Variants in TMEM25 observed in about 807,000 individuals in gnomAD.
TMEM25 encodes 0610039J01Rik.
TMEM25 carries 36 observed loss-of-function variants against 37.0 expected under a neutral mutation model. The ratio of observed to expected loss-of-function variants is 0.97; its 90% confidence interval spans 0.75 to 1.28. The LOEUF is 1.28. Ranked by LOEUF, TMEM25 falls within the 50% of genes most tolerant of loss-of-function variation. TMEM25 has a pLI of 0.00. For synonymous variants in TMEM25, 197 were observed against 203.7 expected, an observed-to-expected ratio of 0.97 and a Z score of 0.28; for missense variants, 444 against 477.9, an observed-to-expected ratio of 0.93 and a Z score of 0.66.
At chr11:118,543,075 A>G (rs1472117958) in intron 8 of TMEM25, among the ~76,000 whole-genome samples, 1 of 151,422 alleles carries the variant, frequency 6.6e-6, no homozygotes, top group Non-Finnish European at 1.5e-5. Context: ...CTCCATCTCT[A>G]CTGAAAATAC....
chr11:118,546,479 T>G, exon 9 of TMEM25: 1 of 246,266 alleles, frequency 4.1e-6, no homozygotes. Flanking sequence ...CATAGAGTAA[T>G]ACCCTGTAAA....
At chr11:118,545,664 A>T (rs1951663192) in intron 8 of TMEM25, 2 of 1,180,054 alleles carry the variant, frequency 1.7e-6, no homozygotes, top group Non-Finnish European at 2.5e-6. Context: ...AGTGCTGCCA[A>T]AGAGCACAAC....
chr11:118,531,549 G>T (rs1951267636), intron 1 of TMEM25: 1 of 566,932 alleles, frequency 1.8e-6, no homozygotes, highest in Non-Finnish European at 3.1e-6. Context: ...TTGTATTGTA[G>T]CCTGGAGTCA....
At chr11:118,536,347 C>T (rs1434240346), downstream of TMEM25, among the ~76,000 whole-genome samples, 1 of 152,032 alleles carries the variant, frequency 6.6e-6, no homozygotes, top group African/African-American at 2.4e-5. Flanking sequence ...GCATGCACCA[C>T]CATGCCCAGC....
chr11:118,540,020 CAAAAA>C (rs200560621), downstream of TMEM25, among the ~76,000 whole-genome samples: 1 of 80,376 alleles, frequency 1.2e-5, no homozygotes, highest in Non-Finnish European at 2.8e-5. Flanking sequence ...GACTCCGTCT[CAAAAA>C]AAAAAAAAAA....
downstream of TMEM25, among the ~76,000 whole-genome samples, chr11:118,539,794 G>T (rs985343966): frequency 6.6e-6 from 1 of 151,872 alleles, no homozygotes; most frequent in African/African-American, 2.4e-5. Context: ...GCAGAGGTGG[G>T]CAGATCACTT....
In TMEM25 at chr11:118,535,633, A is replaced by G. The variant is rs1951494316; in HGVS notation, c.*1053A>G. The G allele has an allele frequency of 6.6e-7, 1 of 1,525,376 alleles. No homozygotes were observed. The highest frequency in any genetic ancestry group is 8.8e-7 in the Non-Finnish European group (1 of 1,138,970). 94.5% of individuals were successfully genotyped at this position (1,525,376 alleles called of 1,614,324 possible). A position where few individuals can be genotyped will look rare whatever the true frequency, so the allele number is the denominator to read the frequency against. On this transcript the variant is annotated 3_prime_UTR_variant, in exon 9 of 9. Transcript: ENST00000313236. ...TTCAACAGTGTGGAAGCTTTAGGGG[A>G]ACATGGAGAAAGAAGGAGACCACAT... is the stretch of plus-strand genomic sequence containing the variant.
At chr11:118,535,902 G>C (rs1591347176), downstream of TMEM25, 1 of 975,632 alleles carries the variant, frequency 1.0e-6, no homozygotes, top group Non-Finnish European at 1.2e-6. Context: ...GTTTGAGATG[G>C]AGTCTCACTC....
intron 8 of TMEM25, among the ~76,000 whole-genome samples, chr11:118,542,144 T>C (rs551021315): frequency 6.6e-6 from 1 of 152,180 alleles, no homozygotes; most frequent in Non-Finnish European, 1.5e-5. Context: ...GGCCGGGAAG[T>C]ACACGGTTGA....
At position 118,531,833 on chromosome 11, in the gene TMEM25, G is replaced by A. The variant is rs148214991; in HGVS notation, c.32G>A (p.Arg11Gln). The A allele has an allele frequency of 1.6e-5, 25 of 1,551,246 alleles. No individual in the cohort carries two copies. Among genetic ancestry groups the A allele is most frequent in the African/African-American group, 8.2e-5 (6 of 73,028 alleles). The change falls in exon 2 of 9, where the codon CGG (arginine) becomes CAG (glutamine). Residue 11 changes from arginine to glutamine, a missense_variant. Arg to Gln is a conservative substitution (Grantham distance 43, BLOSUM62 1). Coordinates refer to ENST00000313236, the MANE Select transcript of TMEM25 (RefSeq NM_032780.4). ...CTGCCTCCAGGCCCAGCCGCCCTCC[G>A]GCACACACTGCTGCTCCTGCCAGCC... is the stretch of plus-strand genomic sequence containing the variant. MALPPGPAALRHTLLLLPALL... is the reference protein window; with the variant it reads MALPPGPAALQHTLLLLPALL...
chr11:118,531,678 G>A (rs1351585645), intron 1 of TMEM25, 97 bp from the exon 2 acceptor site: 2 of 994,846 alleles, frequency 2.0e-6, no homozygotes, highest in South Asian at 1.7e-5. Context: ...TTGCGTTTCC[G>A]TACATGGTTC....
intron 4 of TMEM25, 96 bp from the exon 5 acceptor site, chr11:118,533,324 C>T: frequency 3.2e-6 from 5 of 1,581,652 alleles, no homozygotes; most frequent in Non-Finnish European, 4.3e-6. Flanking sequence ...TGAACTGTCC[C>T]CAGCCACCCT....
intron 8 of TMEM25, among the ~76,000 whole-genome samples, chr11:118,543,806 C>T (rs1318395068): frequency 2.1e-5 from 3 of 146,086 alleles, no homozygotes; most frequent in African/African-American, 7.7e-5. Flanking sequence ...TATTAAACAC[C>T]CCCTTTTTTT....
At position 118,532,305 on chromosome 11, in the gene TMEM25, A is replaced by C; in HGVS notation, c.226A>C (p.Thr76Pro). ...YLDGQLQEAS[T>P]SRLLSVGGEA... is the part of the protein sequence containing the mutation. The stretch of plus-strand genomic sequence containing the variant: ...GGATGGACAGCTGCAGGAGGCCAGC[A>C]CCTCAAGACTGCTGAGCGTGGGAGG... Residue 76 changes from threonine (T) to proline (P), a missense_variant, in exon 3 of 9, where the codon ACC (threonine) becomes CCC (proline). Physicochemically the swap from Thr to Pro is conservative, Grantham distance 38. Coordinates refer to ENST00000313236, the MANE Select transcript of TMEM25 (RefSeq NM_032780.4). 1 of 1,614,130 alleles carries C rather than the reference A, an allele frequency of 6.2e-7. No individual in the cohort carries two copies. Among genetic ancestry groups the C allele is most frequent in the Middle Eastern group, 1.6e-4 (1 of 6,062 alleles).
rs538187192 is a variant in TMEM25, at chr11:118,545,911, ACTCT to A, written c.1028-199_1028-196del. ...GGATGGTGTCAGTGGTCCCAGAACC[ACTCT>A]CTCTCTCTGAAGCAAAAGAGCTTCT... On this transcript the variant is annotated intron_variant, in intron 8 of 8. Coordinates refer to the TMEM25 transcript ENST00000354284. 3.0e-4 allele frequency: 427 copies of A among 1,441,154 alleles called. 1 individual carries two copies. The highest frequency in any genetic ancestry group is 3.9e-4 in the Non-Finnish European group (399 of 1,023,096). The allele number at this position is 1,441,154 out of a possible 1,614,324, so 89.3% of individuals were successfully genotyped here. A position where few individuals can be genotyped will look rare whatever the true frequency, so the allele number is the denominator to read the frequency against.
At chr11:118,546,339 A>C in exon 9 of TMEM25, 1 of 582,162 alleles carries the variant, frequency 1.7e-6, no homozygotes, top group Non-Finnish European at 3.1e-6. Context: ...CTCTACAAAA[A>C]AATTAGCCGG....
chr11:118,547,012 CT>C (rs1288672310), downstream of TMEM25: 1 of 152,188 alleles, frequency 6.6e-6, no homozygotes, highest in African/African-American at 2.4e-5. Context: ...CAACATATCA[CT>C]GATATTTCTT....
At position 118,543,167 on chromosome 11, in the gene TMEM25, C is replaced by T. The variant is rs146864992; in HGVS notation, c.1028-2952C>T. Among the ~76,000 whole-genome samples, 1,352 of 152,244 alleles carry T rather than the reference C, an allele frequency of 8.9e-3. 11 individuals are homozygous for T. The highest frequency in any genetic ancestry group is 0.016 in the Non-Finnish European group (1,063 of 68,018). ...CATAGGCAGGAGAATCGCTTGAACC[C>T]GGGAGGTGGAGGTTGCTGTAAGCCT... On this transcript the variant is annotated intron_variant, in intron 8 of 8. Transcript: ENST00000354284.
intron 8 of TMEM25, chr11:118,545,743 A>G (rs1555066919): frequency 5.8e-6 from 9 of 1,563,992 alleles, no homozygotes; most frequent in Non-Finnish European, 7.9e-6. Context: ...CCAAAAGCCT[A>G]GAGTGTCTCT....
Sources: allele counts gnomAD v4.1 joint callset (sites outside exome capture counted in the v4.1 genomes callset), GRCh38; gene constraint gnomAD v4.1.1; transcripts MANE v1.5; gene names NCBI Gene and HGNC (gene_info 2026-07-23, HGNC 2026-07-21).